GLIS3: variants seen among roughly 807,000 people sequenced by gnomAD.
The protein encoded by GLIS3 is zinc finger protein GLIS3.
GLIS3 carries 53 observed loss-of-function variants against 78.6 expected under a neutral mutation model. The observed-to-expected ratio is 0.67, with a 90% CI of 0.54 to 0.85. The LOEUF is 0.85. Ranked by LOEUF, GLIS3 falls within the 40% of genes least tolerant of loss-of-function variation. The pLI is 0.00. For synonymous variants in GLIS3, 684 were observed against 509.9 expected (o/e 1.34, Z -4.60); for missense variants, 1,703 against 1,231.1 (o/e 1.38, Z -5.74).
At chr9:3,860,726 G>C (rs1460716360) in intron 8 of GLIS3, among the ~76,000 whole-genome samples, 1 of 152,120 alleles carries the variant, frequency 6.6e-6, no homozygotes, top group Non-Finnish European at 1.5e-5. Flanking sequence ...CTTTTCCCAG[G>C]ATCAATTTCA....
At chr9:4,389,220 A>G in the GLIS3 span, among the ~76,000 whole-genome samples, 1 of 152,226 alleles carries the variant, frequency 6.6e-6, no homozygotes, top group East Asian at 1.9e-4. Context: ...TGCACATCTG[A>G]CAAAGGATAG....
intron 2 of GLIS3, among the ~76,000 whole-genome samples, chr9:4,249,439 G>C (rs1401470983): frequency 6.6e-6 from 1 of 152,156 alleles, no homozygotes; most frequent in Non-Finnish European, 1.5e-5. Context: ...TGGTGTATAG[G>C]AATGCTTGTG....
chr9:3,850,539 T>G (rs1457419780), intron 9 of GLIS3, among the ~76,000 whole-genome samples: 1 of 152,246 alleles, frequency 6.6e-6, no homozygotes, highest in Non-Finnish European at 1.5e-5. Flanking sequence ...AAGTCACTGT[T>G]GTGGTGTTCT....
chr9:4,207,456 C>G (rs2131287083), intron 2 of GLIS3, among the ~76,000 whole-genome samples: 1 of 152,260 alleles, frequency 6.6e-6, no homozygotes, highest in Non-Finnish European at 1.5e-5. Context: ...TATGCCTTTA[C>G]CTCAAAATGA....
At chr9:4,377,872 A>G in the GLIS3 span, among the ~76,000 whole-genome samples, 3 of 152,142 alleles carry the variant, frequency 2.0e-5, no homozygotes, top group Non-Finnish European at 2.9e-5. Flanking sequence ...GAAGTTTTTA[A>G]CGTAGTTGTA....
chr9:4,418,765 C>T, the GLIS3 span, among the ~76,000 whole-genome samples: 1 of 152,050 alleles, frequency 6.6e-6, no homozygotes, highest in Non-Finnish European at 1.5e-5. Flanking sequence ...GAGGAAAAAT[C>T]TTCATGAAAA....
intron 2 of GLIS3, among the ~76,000 whole-genome samples, chr9:4,132,798 T>G (rs1015971689): frequency 6.6e-6 from 1 of 152,224 alleles, no homozygotes; most frequent in Non-Finnish European, 1.5e-5. Flanking sequence ...TGGTTCAACC[T>G]AACACACACA....
At chr9:3,898,529 C>G (rs760256029) in intron 7 of GLIS3, 162 bp downstream of exon 7, 7 of 752,290 alleles carry the variant, frequency 9.3e-6, no homozygotes, top group African/African-American at 1.7e-5. Context: ...CTGCCACACC[C>G]AGCTCAGGAA....
chr9:4,158,480 A>T (rs1835210053), intron 2 of GLIS3, among the ~76,000 whole-genome samples: 1 of 152,210 alleles, frequency 6.6e-6, no homozygotes, highest in Non-Finnish European at 1.5e-5. Flanking sequence ...AAGCAGAAGT[A>T]GTGCCTTCAG....
the GLIS3 span, among the ~76,000 whole-genome samples, chr9:4,421,692 A>G: frequency 1.1e-4 from 16 of 152,224 alleles, no homozygotes; most frequent in Non-Finnish European, 2.2e-4. Flanking sequence ...TCATTCATTC[A>G]GCAAACTTGT....
At chr9:4,250,680 T>C (rs1160506223) in intron 2 of GLIS3, among the ~76,000 whole-genome samples, 1 of 152,222 alleles carries the variant, frequency 6.6e-6, no homozygotes, top group Admixed American at 6.5e-5. Context: ...CTCTTGCTTC[T>C]CTAGTTCTTT....
chr9:4,025,265 G>C (rs1823235647), intron 4 of GLIS3, among the ~76,000 whole-genome samples: 1 of 151,866 alleles, frequency 6.6e-6, no homozygotes. Flanking sequence ...AAAAAGAAAA[G>C]AAAAGAACGT....
chr9:4,040,652 C>T (rs1447666951), intron 4 of GLIS3, among the ~76,000 whole-genome samples: 1 of 151,814 alleles, frequency 6.6e-6, no homozygotes, highest in African/African-American at 2.4e-5. Flanking sequence ...TTAATGTGGA[C>T]GATAAAGACA....
At chr9:4,486,679 C>G in the GLIS3 span, among the ~76,000 whole-genome samples, 1 of 152,100 alleles carries the variant, frequency 6.6e-6, no homozygotes, top group African/African-American at 2.4e-5. Flanking sequence ...GACCAAGGGC[C>G]TTGGTCCTCC....
At chr9:4,341,343 A>ACAC (rs1175244723) in intron 2 of GLIS3, among the ~76,000 whole-genome samples, 1 of 152,228 alleles carries the variant, frequency 6.6e-6, no homozygotes, top group African/African-American at 2.4e-5. Context: ...ACTTGTAGTT[A>ACAC]TCAGGCAACA....
At chr9:4,316,682 G>T (rs986151673) in intron 2 of GLIS3, among the ~76,000 whole-genome samples, 1 of 152,154 alleles carries the variant, frequency 6.6e-6, no homozygotes, top group Non-Finnish European at 1.5e-5. Flanking sequence ...GAGATGGGAC[G>T]GCAGCCTGCC....
intron 2 of GLIS3, among the ~76,000 whole-genome samples, chr9:4,187,062 T>A (rs950615508): frequency 1.3e-5 from 2 of 152,244 alleles, no homozygotes; most frequent in African/African-American, 2.4e-5. Flanking sequence ...AGACATGAAG[T>A]CCTTGCCCAT....
At chr9:4,002,458 T>A (rs1281431871) in intron 4 of GLIS3, among the ~76,000 whole-genome samples, 1 of 152,250 alleles carries the variant, frequency 6.6e-6, no homozygotes, top group Non-Finnish European at 1.5e-5. Context: ...GCTTTACCCC[T>A]GCTTGCATTA....
rs182706198 is a variant in GLIS3 at position 4,149,371 on chromosome 9, C to A, written c.389-23430G>T. Among the ~76,000 whole-genome samples the A allele has an allele frequency of 5.2e-4, 79 of 152,296 alleles. 1 individual carries two copies. The East Asian group carries it at 0.013, about 26-fold the overall frequency. ...AGTATTCAAACCCCAGCTAGCCCAACTCAAAAAACACACACAGATGGCTAT... is the reference window on the plus strand; with the variant it reads ...AGTATTCAAACCCCAGCTAGCCCAAATCAAAAAACACACACAGATGGCTAT... On this transcript the variant is annotated intron_variant, in intron 2 of 10. Coordinates refer to ENST00000381971, the MANE Select transcript of GLIS3 (RefSeq NM_001042413.2).
Sources: gnomAD v4.1 joint callset for allele counts (sites outside exome capture counted in the v4.1 genomes callset) on GRCh38, gnomAD v4.1.1 for gene constraint, MANE v1.5 for transcripts, NCBI Gene and HGNC (gene_info 2026-07-23, HGNC 2026-07-21) for gene names.